Variants in RTN1 observed in about 807,000 individuals in gnomAD.
RTN1 encodes the protein reticulon-1.
A neutral mutation model predicts 65.5 loss-of-function variants in RTN1; 25 were observed. That is an observed-to-expected ratio of 0.38 (90% confidence interval 0.28 to 0.53). The LOEUF is 0.53. Ranked by LOEUF, RTN1 falls within the 20% of genes least tolerant of loss-of-function variation. The pLI is 0.79. For missense variants in RTN1, 983 were observed against 1,025.4 expected (o/e 0.96, Z 0.57); for synonymous variants, 471 against 447.6 (o/e 1.05, Z -0.66).
rs1469787417 is a variant in RTN1 at position 59,741,803 on chromosome 14, C to T, written c.1015+3905G>A. Among the ~76,000 whole-genome samples the T allele has an allele frequency of 2.0e-5, 3 of 152,324 alleles. No individual in the cohort carries two copies. In the East Asian group the frequency reaches 5.8e-4, roughly 29 times the overall value. The stretch of plus-strand genomic sequence containing the variant: ...GCCCTGTGCATTTGCTATTCCCCCA[C>T]ACCTGAGGTCCCTCCTAGCTTCTCT... On this transcript the variant is annotated intron_variant, in intron 2 of 8. Transcript: ENST00000267484.
rs755538207 is a variant in RTN1 at position 59,603,044 on chromosome 14, G to T, written c.2288+21C>A. 4.4e-6 allele frequency: 7 copies of T among 1,601,828 alleles called. No individual in the cohort carries two copies. In the East Asian group the frequency reaches 1.3e-4, roughly 31 times the overall value. On this transcript the variant is annotated intron_variant, in intron 8 of 8. Coordinates refer to ENST00000267484, the MANE Select transcript of RTN1 (RefSeq NM_021136.3). The stretch of plus-strand genomic sequence containing the variant: ...GATGTAAGAGAGTCTCTCCTTTTAT[G>T]CATTGCACTATGTGACTTACTTTGC...
At chr14:59,749,208 A>C (rs1018887410) in intron 1 of RTN1, among the ~76,000 whole-genome samples, 11 of 99,806 alleles carry the variant, frequency 1.1e-4, no homozygotes, top group African/African-American at 6.6e-4. Context: ...CTATATATAT[A>C]TCTATATATA....
intron 3 of RTN1, among the ~76,000 whole-genome samples, chr14:59,710,562 A>T (rs944297563): frequency 1.3e-5 from 2 of 152,208 alleles, no homozygotes; most frequent in Non-Finnish European, 2.9e-5. Context: ...GTGACAGGTG[A>T]GCTTCACACT....
chr14:59,605,562 T>C, intron 4 of RTN1, 56 bp from the exon 5 acceptor site: 1 of 1,589,960 alleles, frequency 6.3e-7, no homozygotes, highest in Non-Finnish European at 8.6e-7. Context: ...TGAGACAGGC[T>C]GCCGAACCCC....
At chr14:59,762,298 T>C (rs1885765463) in intron 1 of RTN1, among the ~76,000 whole-genome samples, 1 of 152,206 alleles carries the variant, frequency 6.6e-6, no homozygotes, top group African/African-American at 2.4e-5. Context: ...AGGCCCAGTT[T>C]CCTCACTTGC....
chr14:59,690,831 C>T (rs971680602), intron 3 of RTN1, among the ~76,000 whole-genome samples: 12 of 151,782 alleles, frequency 7.9e-5, no homozygotes, highest in African/African-American at 2.2e-4. Context: ...CAACTTACTC[C>T]GAATGACTTT....
chr14:59,750,149 T>TCTA (rs1384817798), intron 1 of RTN1, among the ~76,000 whole-genome samples: 1 of 49,278 alleles, frequency 2.0e-5, no homozygotes, highest in Non-Finnish European at 3.2e-5. Context: ...AATATATATA[T>TCTA]TATAGATAAT....
At chr14:59,605,679 T>G (rs1881720596) in intron 4 of RTN1, 173 bp from the exon 5 acceptor site, 4 of 562,810 alleles carry the variant, frequency 7.1e-6, no homozygotes, top group Non-Finnish European at 1.2e-5. Flanking sequence ...CACACCTGCT[T>G]CCATGCACTG....
rs757150796 is a variant in RTN1, at chr14:59,603,143, AT to A, written c.2230-21del. The A allele has an allele frequency of 6.3e-6, 10 of 1,590,836 alleles. No homozygotes were observed. The highest frequency in any genetic ancestry group is 8.6e-6 in the Non-Finnish European group (10 of 1,159,376). ...CTGTGCCTACATAAAGAAAAAAAAAATAATGAGCATATCCAAAGATGATGAG... is the reference window on the plus strand; with the variant it reads ...CTGTGCCTACATAAAGAAAAAAAAAAAATGAGCATATCCAAAGATGATGAG... On this transcript the variant is annotated intron_variant, in intron 7 of 8. Transcript: ENST00000267484.
intron 3 of RTN1, among the ~76,000 whole-genome samples, chr14:59,672,650 T>TTTTTTTG: frequency 7.1e-6 from 1 of 140,976 alleles, no homozygotes; most frequent in African/African-American, 2.7e-5. Flanking sequence ...TTTTTTTTTT[T>TTTTTTTG]TGAGACGGAG....
intron 1 of RTN1, among the ~76,000 whole-genome samples, chr14:59,822,066 A>G (rs995048734): frequency 6.6e-6 from 1 of 152,142 alleles, no homozygotes; most frequent in South Asian, 2.1e-4. Flanking sequence ...AGTTTCTTGG[A>G]ATAATTTCAG....
intron 3 of RTN1, among the ~76,000 whole-genome samples, chr14:59,716,803 C>T (rs913634314): frequency 8.2e-6 from 1 of 122,326 alleles, no homozygotes; most frequent in African/African-American, 3.0e-5. Context: ...TAAAAAAATA[C>T]AAAAAAAAAA....
intron 1 of RTN1, among the ~76,000 whole-genome samples, chr14:59,855,966 G>A (rs994581173): frequency 6.6e-6 from 1 of 152,308 alleles, no homozygotes; most frequent in African/African-American, 2.4e-5. Flanking sequence ...CTGCTAGGAT[G>A]CCGTTTTCTG....
Position 59,757,620 on chromosome 14 carries a change from C to T in RTN1, c.242-11139G>A, listed in dbSNP as rs1008068804. On this transcript the variant is annotated intron_variant, in intron 1 of 8. Coordinates refer to ENST00000267484, the MANE Select transcript of RTN1 (RefSeq NM_021136.3). ...GAGCCCTCATAAATGGGATTAGTGC[C>T]CTTGTAAAAGAGAGCCAAGGGAGCG... Among the ~76,000 whole-genome samples the T allele has an allele frequency of 2.6e-5, 4 of 152,052 alleles. No individual in the cohort carries two copies. The South Asian group carries it at 8.3e-4, about 32-fold the overall frequency.
intron 2 of RTN1, among the ~76,000 whole-genome samples, chr14:59,732,541 T>A (rs538690937): frequency 6.6e-6 from 1 of 152,166 alleles, no homozygotes; most frequent in South Asian, 2.1e-4. Context: ...AGGGAAGCAG[T>A]GAGTGACTGT....
chr14:59,686,000 G>T (rs559806589), intron 3 of RTN1, among the ~76,000 whole-genome samples: 1 of 152,270 alleles, frequency 6.6e-6, no homozygotes, highest in South Asian at 2.1e-4. Context: ...AGAATAGAAA[G>T]CCCAGAGATA....
intron 3 of RTN1, among the ~76,000 whole-genome samples, chr14:59,616,517 T>C (rs1200856634): frequency 1.3e-5 from 2 of 152,170 alleles, no homozygotes; most frequent in African/African-American, 2.4e-5. Flanking sequence ...TTGGTTTACT[T>C]TGGACTTTAT....
rs1887883633 is a variant in RTN1, at chr14:59,870,558, G to A, written c.73C>T (p.Arg25Trp). ...AGPGSQWLRH[R>W]GEGENEAVTP... is the part of the protein sequence containing the mutation. ...ACCGCTTCGTTCTCCCCCTCCCCCC[G>A]GTGCCTGAGCCACTGGGACCCGGGG... Residue 25 changes from arginine (R) to tryptophan (W), a missense_variant, in exon 1 of 9, where the codon CGG (arginine) becomes TGG (tryptophan). By Grantham distance (101) the Arg-to-Trp change is moderately radical. Around this residue, in one of 2 missense-constraint regions of RTN1, gnomAD observed 818 missense variants for 801.8 expected, o/e 1.02. Transcript: ENST00000267484. The surrounding 1 kb of genome is among the most constrained non-coding windows in gnomAD (Gnocchi z 5.1). 2 of 1,456,550 alleles carry A rather than the reference G, an allele frequency of 1.4e-6. No homozygotes were observed. The highest frequency in any genetic ancestry group is 1.5e-5 in the African/African-American group (1 of 67,956). 90.2% of individuals were successfully genotyped at this position (1,456,550 alleles called of 1,614,324 possible).
intron 3 of RTN1, among the ~76,000 whole-genome samples, chr14:59,620,115 G>T (rs1238558556): frequency 2.0e-5 from 3 of 151,990 alleles, no homozygotes; most frequent in Non-Finnish European, 2.9e-5. Flanking sequence ...GGAAAAAATG[G>T]GATTAATCAC....
Sources: gnomAD v4.1 joint callset for allele counts (sites outside exome capture counted in the v4.1 genomes callset) on GRCh38, gnomAD v4.1.1 for gene constraint, gnomAD v4.1.1 regional missense constraint, Gnocchi (gnomAD v3.1) non-coding constraint, MANE v1.5 for transcripts, NCBI Gene and HGNC (gene_info 2026-07-23, HGNC 2026-07-21) for gene names.